UBAP1: variants seen among roughly 807,000 people sequenced by gnomAD.
UBAP1 encodes ubiquitin-associated protein 1.
Under a neutral mutation model 39.0 loss-of-function variants are expected in UBAP1, and 5 were observed. That is an observed-to-expected ratio of 0.13 (90% CI 0.07 to 0.27). The LOEUF (loss-of-function observed/expected upper bound fraction) is 0.27, where lower values mean the gene tolerates loss of function less well. UBAP1 is among the 10% of genes least tolerant of loss of function. The pLI, the probability that UBAP1 is intolerant of heterozygous loss-of-function variation, is 1.00. For synonymous variants in UBAP1, 211 were observed against 225.1 expected (o/e 0.94, Z 0.56); for missense variants, 490 against 608.1 (o/e 0.81, Z 2.04).
At chr9:34,235,894 G>A (rs182831217) in intron 3 of UBAP1, among the ~76,000 whole-genome samples, 75 of 150,100 alleles carry the variant, frequency 5.0e-4, no homozygotes, top group African/African-American at 1.8e-3. Flanking sequence ...GTGCAATGGC[G>A]CGATCTCGTC....
chr9:34,242,569 G>A (rs959264780), intron 4 of UBAP1, among the ~76,000 whole-genome samples: 3 of 152,044 alleles, frequency 2.0e-5, no homozygotes, highest in East Asian at 3.9e-4. Context: ...TTGCTCTGTC[G>A]CCCAGGCTGG....
At chr9:34,231,930 C>T (rs535705892) in intron 2 of UBAP1, among the ~76,000 whole-genome samples, 7 of 151,952 alleles carry the variant, frequency 4.6e-5, no homozygotes, top group East Asian at 3.9e-4. Context: ...TGTGCCCGGC[C>T]GGGACACTCA....
At position 34,220,626 on chromosome 9, in the gene UBAP1, C is replaced by T. The variant is rs547762864; in HGVS notation, c.-7-282C>T. Among the ~76,000 whole-genome samples, 54 of 152,020 alleles carry T rather than the reference C, an allele frequency of 3.6e-4. 1 individual carries two copies. In the South Asian group the frequency reaches 0.01, roughly 29 times the overall value. On this transcript the variant is annotated intron_variant, in intron 1 of 6. Transcript: ENST00000297661. Reference sequence around the variant, plus strand: ...AGGAGTGAGCCACCAAGCCTGGCCTCGGCTAATTTTTAATTTTTTTAATAT... The same window carrying T: ...AGGAGTGAGCCACCAAGCCTGGCCTTGGCTAATTTTTAATTTTTTTAATAT...
intron 1 of UBAP1, among the ~76,000 whole-genome samples, chr9:34,196,898 TTG>T (rs777008697): frequency 0.17 from 23,879 of 141,234 alleles, 1,994 homozygotes; most frequent in South Asian, 0.22. Context: ...ATATTGTTAT[TTG>T]TGTGTGTGTG....
At chr9:34,213,466 G>T (rs759877633) in intron 1 of UBAP1, among the ~76,000 whole-genome samples, 74 of 152,056 alleles carry the variant, frequency 4.9e-4, no homozygotes, top group Non-Finnish European at 9.7e-4. Context: ...AGCCGAGATC[G>T]CACCATTGCA....
chr9:34,218,250 C>CA (rs758443973), intron 1 of UBAP1, among the ~76,000 whole-genome samples: 13 of 49,518 alleles, frequency 2.6e-4, no homozygotes, highest in Admixed American at 6.0e-4. Flanking sequence ...GACTCCATCT[C>CA]AAAAAAAAAA....
chr9:34,225,503 C>T (rs1050076760), intron 2 of UBAP1, among the ~76,000 whole-genome samples: 2 of 152,122 alleles, frequency 1.3e-5, no homozygotes, highest in South Asian at 2.1e-4. Flanking sequence ...TCTGGCTGGG[C>T]GCGGTGGCTC....
In UBAP1 at chr9:34,242,104, C is replaced by T. The variant is rs1266846810; in HGVS notation, c.1079C>T (p.Pro360Leu). 6.3e-7 allele frequency: 1 copy of T among 1,584,822 alleles called. No homozygotes were observed. The highest frequency in any genetic ancestry group is 2.3e-5 in the East Asian group (1 of 44,234). Residue 360 changes from proline (P) to leucine (L), a missense_variant, in exon 4 of 7, where the codon CCC (proline) becomes CTC (leucine). Around this residue, in one of 3 missense-constraint regions of UBAP1, gnomAD observed 339 missense variants for 390.0 expected, o/e 0.87. Transcript: ENST00000297661. Reference sequence around the variant, plus strand: ...GAATCATCACCTCCAAATACTGGTCCCACGGTAAGTCTTTTAAATCCCCCG... The same window carrying T: ...GAATCATCACCTCCAAATACTGGTCTCACGGTAAGTCTTTTAAATCCCCCG... Reference protein sequence around the residue: ...TEESSPPNTGPTVTPPNFSVS... With the variant: ...TEESSPPNTGLTVTPPNFSVS...
rs539717231 is a variant in UBAP1, at chr9:34,227,298, T to TTTTA, written c.34+6370_34+6373dup. Among the ~76,000 whole-genome samples, 328 of 152,190 alleles carry TTTTA rather than the reference T, an allele frequency of 2.2e-3. 2 individuals are homozygous for TTTTA. The highest frequency in any genetic ancestry group is 0.012 in the South Asian group (56 of 4,824). On this transcript the variant is annotated intron_variant, in intron 2 of 6. Coordinates refer to ENST00000297661, the MANE Select transcript of UBAP1 (RefSeq NM_016525.5). ...TGTGGCTTTAAGATAGTTTTTTTTG[T>TTTTA]TTTATTTATTTATTTATTTATTTTT...
chr9:34,221,098 T>G, intron 2 of UBAP1, 150 bp downstream of exon 2: 1 of 680,652 alleles, frequency 1.5e-6, no homozygotes, highest in Non-Finnish European at 2.5e-6. Flanking sequence ...GTATCAAGTA[T>G]ATCTGAAAGG....
chr9:34,229,248 TA>T (rs1367788957), intron 2 of UBAP1, among the ~76,000 whole-genome samples: 1 of 151,898 alleles, frequency 6.6e-6, no homozygotes, highest in Admixed American at 6.6e-5. Context: ...ACTTCTCTTA[TA>T]GGATTTTTAT....
chr9:34,179,161 C>G lies in UBAP1; in HGVS notation c.-87C>G. On this transcript the variant is annotated 5_prime_UTR_variant, in exon 1 of 7. Coordinates refer to ENST00000297661, the MANE Select transcript of UBAP1 (RefSeq NM_016525.5). ...CGCTCTCCCTAGGGGCTGTCGGGAG[C>G]TCAGCGGGGACCGAGCCTGGGAGGC... is the stretch of plus-strand genomic sequence containing the variant. 2 of 1,240,452 alleles carry G rather than the reference C, an allele frequency of 1.6e-6. No homozygotes were observed. The highest frequency in any genetic ancestry group is 2.0e-6 in the Non-Finnish European group (2 of 990,394). The allele number at this position is 1,240,452 out of a possible 1,614,324, so 76.8% of individuals were successfully genotyped here. A position where few individuals can be genotyped will look rare whatever the true frequency, so the allele number is the denominator to read the frequency against.
At chr9:34,215,621 A>G (rs994444726) in intron 1 of UBAP1, among the ~76,000 whole-genome samples, 4 of 152,030 alleles carry the variant, frequency 2.6e-5, no homozygotes, top group Non-Finnish European at 4.4e-5. Context: ...AAATCTCACA[A>G]ATCACCACTA....
intron 2 of UBAP1, among the ~76,000 whole-genome samples, chr9:34,229,282 G>A (rs1833282125): frequency 6.6e-6 from 1 of 150,778 alleles, no homozygotes. Context: ...TTTTGAGATG[G>A]AGTCTTGTTC....
chr9:34,217,783 C>CT (rs750494361), intron 1 of UBAP1, among the ~76,000 whole-genome samples: 10,116 of 40,932 alleles, frequency 0.25, 3,484 homozygotes, highest in South Asian at 0.28. Flanking sequence ...GGATTTCGTT[C>CT]TTTTTTTTTT....
chr9:34,225,544 G>A (rs1213944323), intron 2 of UBAP1, among the ~76,000 whole-genome samples: 3 of 152,026 alleles, frequency 2.0e-5, no homozygotes, highest in Non-Finnish European at 2.9e-5. Flanking sequence ...TTGGGAGGTT[G>A]AGGCAGGCGG....
chr9:34,226,830 C>T (rs889911662), intron 2 of UBAP1, among the ~76,000 whole-genome samples: 2 of 152,164 alleles, frequency 1.3e-5, no homozygotes, highest in Non-Finnish European at 2.9e-5. Flanking sequence ...TTAGCATAGC[C>T]TGGTTTATGA....
intron 1 of UBAP1, among the ~76,000 whole-genome samples, chr9:34,183,944 G>T (rs558985636): frequency 6.6e-6 from 1 of 151,862 alleles, no homozygotes; most frequent in East Asian, 2.0e-4. Flanking sequence ...CTAATTTTGT[G>T]TTTTTAGTAG....
intron 1 of UBAP1, among the ~76,000 whole-genome samples, chr9:34,206,582 T>TA (rs144167402): frequency 0.037 from 5,368 of 143,958 alleles, 251 homozygotes; most frequent in African/African-American, 0.11. Flanking sequence ...CATCTTGACT[T>TA]AAAAAAAAAA....
Sources: allele counts gnomAD v4.1 joint callset (sites outside exome capture counted in the v4.1 genomes callset), GRCh38; gene constraint gnomAD v4.1.1; regional missense constraint gnomAD v4.1.1; transcripts MANE v1.5; gene names NCBI Gene and HGNC (gene_info 2026-07-23, HGNC 2026-07-21).